The following CYFIP1 variants were observed in gnomAD, a reference collection of about 807,000 sequenced individuals.
CYFIP1 encodes cytoplasmic FMR1 interacting protein 1.
Under a neutral mutation model 163.5 loss-of-function variants are expected in CYFIP1, and 58 were observed. The ratio of observed to expected loss-of-function variants is 0.35; its 90% CI spans 0.29 to 0.44. The LOEUF is 0.44. CYFIP1 is among the 20% of genes least tolerant of loss of function. The pLI is 1.00. For synonymous variants in CYFIP1, 663 were observed against 660.7 expected (o/e 1.00, Z -0.05); for missense variants, 1,338 against 1,653.8 (o/e 0.81, Z 3.31).
chr15:22,962,979 A>G (rs982126690), intron 1 of CYFIP1, among the ~76,000 whole-genome samples: 1 of 152,226 alleles, frequency 6.6e-6, no homozygotes, highest in Middle Eastern at 3.4e-3. Context: ...ATTCTTACAC[A>G]TGAATACCTG....
chr15:22,967,231 G>T (rs1296272234), intron 1 of CYFIP1, among the ~76,000 whole-genome samples: 1 of 152,134 alleles, frequency 6.6e-6, no homozygotes, highest in East Asian at 1.9e-4. Context: ...CAATGGGCAG[G>T]TCACCCACCA....
chr15:22,962,397 T>C (rs1483485733), intron 1 of CYFIP1, among the ~76,000 whole-genome samples: 3 of 133,732 alleles, frequency 2.2e-5, no homozygotes, highest in East Asian at 2.0e-4. Flanking sequence ...TTCTTCTTTT[T>C]TTTCTTTTTT....
chr15:22,955,716 G>T (rs1046383615), intron 1 of CYFIP1, among the ~76,000 whole-genome samples: 13 of 152,182 alleles, frequency 8.5e-5, no homozygotes, highest in Admixed American at 8.5e-4. Flanking sequence ...GCCAGCCCTC[G>T]CCACACTCCC....
intron 30 of CYFIP1, among the ~76,000 whole-genome samples, chr15:22,871,139 G>A (rs2059423242): frequency 6.6e-6 from 1 of 152,114 alleles, no homozygotes; most frequent in African/African-American, 2.4e-5. Flanking sequence ...GAGATGGGCA[G>A]ATACAAATGC....
Position 22,873,638 on chromosome 15 carries a change from C to A in CYFIP1, c.3302G>T (p.Arg1101Leu), listed in dbSNP as rs144654046. 2.8e-5 allele frequency: 45 copies of A among 1,614,138 alleles called. No individual in the cohort carries two copies. The highest frequency in any genetic ancestry group is 3.8e-5 in the Non-Finnish European group (45 of 1,180,052). Reference sequence around the variant, plus strand: ...CCAGATGGGGTCATCCAGAAAGCTCCGGATCCGTGTCAGGATGACCTCAAA... The same window carrying A: ...CCAGATGGGGTCATCCAGAAAGCTCAGGATCCGTGTCAGGATGACCTCAAA... Reference protein sequence around the residue: ...SMFEVILTRIRSFLDDPIWRG... With the variant: ...SMFEVILTRILSFLDDPIWRG... Residue 1101 changes from arginine (R) to leucine (L), a missense_variant, in exon 29 of 31, where the codon CGG (arginine) becomes CTG (leucine). Coordinates refer to ENST00000617928, the MANE Select transcript of CYFIP1 (RefSeq NM_014608.6).
chr15:22,923,361 C>T (rs747150495), intron 13 of CYFIP1, among the ~76,000 whole-genome samples: 74 of 152,114 alleles, frequency 4.9e-4, no homozygotes, highest in Non-Finnish European at 9.7e-4. Flanking sequence ...CATAAGAAGA[C>T]GTTTAACATC....
intron 1 of CYFIP1, among the ~76,000 whole-genome samples, chr15:22,963,244 AC>A (rs1401790704): frequency 6.6e-6 from 1 of 152,098 alleles, no homozygotes; most frequent in Non-Finnish European, 1.5e-5. Context: ...GGTGGCTCAC[AC>A]CTGTAATCTC....
At chr15:22,964,901 T>G (rs987683911) in intron 1 of CYFIP1, among the ~76,000 whole-genome samples, 3 of 152,150 alleles carry the variant, frequency 2.0e-5, no homozygotes, top group Non-Finnish European at 4.4e-5. Flanking sequence ...ATTTTCTAGA[T>G]TCCACATAGA....
chr15:22,964,353 T>TCACTCACA lies in CYFIP1; in HGVS notation c.-7+15933_-7+15934insTGTGAGTG, dbSNP rs1555424263. On this transcript the variant is annotated intron_variant, in intron 1 of 30. Transcript: ENST00000617928. ...CCAGCAGACTCCGCAACCTCATCAC[T>TCACTCACA]CACACACACACACACACACACACAC... 1.3e-4 allele frequency among the ~76,000 whole-genome samples: 10 copies of TCACTCACA among 78,754 alleles called. 1 individual carries two copies. Among genetic ancestry groups the TCACTCACA allele is most frequent in the East Asian group, 1.2e-3 (3 of 2,572 alleles). 51.7% of individuals were successfully genotyped at this position (78,754 alleles called of 152,430 possible).
intron 21 of CYFIP1, among the ~76,000 whole-genome samples, chr15:22,908,106 T>C (rs377470981): frequency 1.2e-4 from 19 of 152,180 alleles, no homozygotes; most frequent in African/African-American, 4.1e-4. Context: ...TGTGTTCAAA[T>C]TGTGATAGAG....
At chr15:22,956,844 A>G (rs760891233) in intron 1 of CYFIP1, among the ~76,000 whole-genome samples, 2 of 152,260 alleles carry the variant, frequency 1.3e-5, no homozygotes, top group African/African-American at 4.8e-5. Context: ...TGCCCGCTCC[A>G]GCCAGCCCCT....
At chr15:22,980,606 G>A (rs905851740), upstream of CYFIP1, among the ~76,000 whole-genome samples, 1 of 152,110 alleles carries the variant, frequency 6.6e-6, no homozygotes, top group Non-Finnish European at 1.5e-5. Flanking sequence ...CGGGACGGCG[G>A]GGTCGGAGCG....
intron 1 of CYFIP1, among the ~76,000 whole-genome samples, chr15:22,978,541 A>T (rs985957284): frequency 6.6e-6 from 1 of 152,132 alleles, no homozygotes; most frequent in Non-Finnish European, 1.5e-5. Flanking sequence ...TATGTTATTT[A>T]AAAAATTACT....
In CYFIP1 at chr15:22,881,870, G is replaced by A. The variant is rs749493679; in HGVS notation, c.2887C>T (p.Pro963Ser). The stretch of plus-strand genomic sequence containing the variant: ...CCAGGAGAGCCGTACTCGTGCCGGG[G>A]CAGGCGGCAGATCTTGGGCATCACC... ...MEVMPKICRL[P>S]RHEYGSPGIL... The change falls in exon 25 of 31, where the codon CCC becomes TCC. Residue 963 changes from proline to serine, a missense_variant. Physicochemically the swap from Pro to Ser is moderately conservative, Grantham distance 74 (BLOSUM62 -1). This residue lies in a region of CYFIP1 where 824 missense variants were observed against 995.7 expected (regional missense o/e 0.83). Transcript: ENST00000617928. The A allele has an allele frequency of 6.2e-6, 10 of 1,611,734 alleles. No individual in the cohort carries two copies. The highest frequency in any genetic ancestry group is 1.7e-6 in the Non-Finnish European group (2 of 1,180,004).
chr15:22,902,685 T>C (rs1017773865), intron 22 of CYFIP1, among the ~76,000 whole-genome samples: 3 of 152,126 alleles, frequency 2.0e-5, no homozygotes, highest in African/African-American at 7.3e-5. Context: ...GGAGGCCCCC[T>C]GAGCTGAAAA....
intron 13 of CYFIP1, among the ~76,000 whole-genome samples, chr15:22,921,993 A>T (rs2061199414): frequency 1.3e-5 from 2 of 152,148 alleles, no homozygotes; most frequent in Admixed American, 1.3e-4. Flanking sequence ...AATAGTACTG[A>T]CAACTGTATC....
In CYFIP1 at chr15:22,926,083, T is replaced by G. The variant is rs1194334572; in HGVS notation, c.1258A>C (p.Thr420Pro). ...EVYSWKLVHP[T>P]DKYSNKDCPD... ...CAGTCCTTGTTGGAGTACTTGTCGG[T>G]GGGGTGCACAAGCTTCCAGGAATAC... is the stretch of plus-strand genomic sequence containing the variant. The change falls in exon 13 of 31, where the codon ACC (threonine) becomes CCC (proline). Residue 420 changes from threonine to proline, a missense_variant. Physicochemically the swap from Thr to Pro is conservative, Grantham distance 38 (BLOSUM62 -1). Transcript: ENST00000617928. The G allele has an allele frequency of 6.2e-7, 1 of 1,613,994 alleles. No homozygotes were observed.
At chr15:22,898,831 G>A (rs893904392) in intron 22 of CYFIP1, among the ~76,000 whole-genome samples, 4 of 152,076 alleles carry the variant, frequency 2.6e-5, no homozygotes, top group Non-Finnish European at 4.4e-5. Flanking sequence ...GTGAAACCCC[G>A]TCTCTACTAA....
intron 22 of CYFIP1, among the ~76,000 whole-genome samples, chr15:22,894,708 C>G (rs976774061): frequency 1.3e-5 from 2 of 151,294 alleles, no homozygotes; most frequent in African/African-American, 4.9e-5. Flanking sequence ...TGATATAACT[C>G]AGATACAGAA....
Sources: gnomAD v4.1 joint callset for allele counts (sites outside exome capture counted in the v4.1 genomes callset) on GRCh38, gnomAD v4.1.1 for gene constraint, gnomAD v4.1.1 regional missense constraint, MANE v1.5 for transcripts, NCBI Gene and HGNC (gene_info 2026-07-23, HGNC 2026-07-21) for gene names.